Variants in MTUS2 observed in about 807,000 individuals in gnomAD.
MTUS2 encodes microtubule associated scaffold protein 2, also known as microtubule-associated tumor suppressor candidate 2.
Under a neutral mutation model 114.1 loss-of-function variants are expected in MTUS2, and 40 were observed. The ratio of observed to expected loss-of-function variants is 0.35; its 90% confidence interval spans 0.27 to 0.46. The LOEUF is 0.46. Among genes scored for constraint, MTUS2 ranks in the 20% least tolerant of loss-of-function variants. The pLI is 1.00. For missense variants in MTUS2, 1,679 were observed against 1,705.4 expected (o/e 0.98, Z 0.27); for synonymous variants, 688 against 672.0 (o/e 1.02, Z -0.37).
chr13:28,945,339 A>T (rs1882470891), intron 2 of MTUS2, among the ~76,000 whole-genome samples: 1 of 152,100 alleles, frequency 6.6e-6, no homozygotes, highest in African/African-American at 2.4e-5. Context: ...GTTTCAACCC[A>T]GTAGTGTAGA....
chr13:28,860,175 C>T (rs1876879580), intron 2 of MTUS2, among the ~76,000 whole-genome samples: 1 of 152,146 alleles, frequency 6.6e-6, no homozygotes, highest in African/African-American at 2.4e-5. Context: ...TATTGAGGGT[C>T]GTCCTCCCTT....
chr13:28,895,342 T>C (rs1879203161), intron 2 of MTUS2, among the ~76,000 whole-genome samples: 1 of 152,210 alleles, frequency 6.6e-6, no homozygotes, highest in African/African-American at 2.4e-5. Context: ...TTGTTTTTCA[T>C]GCTAATTTGT....
intron 7 of MTUS2, among the ~76,000 whole-genome samples, chr13:29,330,868 T>G (rs1900743468): frequency 6.6e-6 from 1 of 152,236 alleles, no homozygotes. Flanking sequence ...TCAGGTAGCG[T>G]GATGCCTCCA....
chr13:29,232,294 ACACGCGCGCGCG>A (rs71977200), intron 5 of MTUS2, among the ~76,000 whole-genome samples: 1,677 of 24,044 alleles, frequency 0.07, 10 homozygotes, highest in African/African-American at 0.12. Flanking sequence ...ACACACACAC[ACACGCGCGCGCG>A]CACACACACA....
chr13:28,974,822 A>G (rs1419332362), intron 2 of MTUS2, among the ~76,000 whole-genome samples: 2 of 152,218 alleles, frequency 1.3e-5, no homozygotes, highest in Non-Finnish European at 2.9e-5. Context: ...CTGTTCACCA[A>G]AATGCCACAT....
chr13:29,018,055 T>C (rs1455169244), intron 2 of MTUS2, among the ~76,000 whole-genome samples: 3 of 152,074 alleles, frequency 2.0e-5, no homozygotes, highest in Admixed American at 6.6e-5. Flanking sequence ...CCTCTACCTG[T>C]TTGGTGGGGG....
chr13:28,929,523 C>G (rs1881501632), intron 2 of MTUS2, among the ~76,000 whole-genome samples: 1 of 151,984 alleles, frequency 6.6e-6, no homozygotes, highest in African/African-American at 2.4e-5. Context: ...TGAGCTTGGC[C>G]TGAAATATGA....
intron 8 of MTUS2, among the ~76,000 whole-genome samples, chr13:29,368,635 T>C (rs1870941788): frequency 6.9e-6 from 1 of 144,878 alleles, no homozygotes; most frequent in African/African-American, 2.5e-5. Context: ...CCATAAAAAA[T>C]AATTCAAAAA....
At chr13:29,427,979 A>T (rs1013112926) in intron 8 of MTUS2, among the ~76,000 whole-genome samples, 2 of 152,224 alleles carry the variant, frequency 1.3e-5, no homozygotes, top group African/African-American at 4.8e-5. Flanking sequence ...TAACTGTGTG[A>T]AAAACTAGAA....
chr13:28,901,556 T>C (rs1407539206), intron 2 of MTUS2, among the ~76,000 whole-genome samples: 4 of 152,190 alleles, frequency 2.6e-5, no homozygotes. Flanking sequence ...AAGGCTTAGG[T>C]TGAGGTTCTT....
intron 9 of MTUS2, among the ~76,000 whole-genome samples, chr13:29,450,823 C>A (rs1301409446): frequency 6.6e-6 from 1 of 152,044 alleles, no homozygotes; most frequent in Non-Finnish European, 1.5e-5. Flanking sequence ...GACTTCAGAG[C>A]CAGGAATATT....
intron 6 of MTUS2, among the ~76,000 whole-genome samples, chr13:29,291,317 G>A (rs1030463425): frequency 1.3e-5 from 2 of 152,218 alleles, no homozygotes; most frequent in Admixed American, 6.5e-5. Context: ...AGTGAGACAC[G>A]CCATGGACAG....
rs148118759 is a variant in MTUS2, at chr13:28,913,563, C to A, written c.-243+73713C>A. Among the ~76,000 whole-genome samples the A allele has an allele frequency of 1.0e-3, 153 of 151,854 alleles. 3 individuals are homozygous for A. In the East Asian group the frequency reaches 0.019, roughly 19 times the overall value. On this transcript the variant is annotated intron_variant, in intron 2 of 15. Coordinates refer to ENST00000612955, the MANE Select transcript of MTUS2 (RefSeq NM_001033602.4). ...CAGCGATATTCATCAGGGATATTGG[C>A]CTGAAGTTTTCTTTTTCTTTTGTAT...
At position 28,822,159 on chromosome 13, in the gene MTUS2, C is replaced by T. The variant is rs368643279; in HGVS notation, c.-316+1548C>T. On this transcript the variant is annotated intron_variant, in intron 1 of 15. Coordinates refer to ENST00000612955, the MANE Select transcript of MTUS2 (RefSeq NM_001033602.4). ...TATTGTTTTTAAGGTCAGAAAGAAACCTGGCCTCTGAGTCAGTGTTTTCTG... is the reference window on the plus strand; with the variant it reads ...TATTGTTTTTAAGGTCAGAAAGAAATCTGGCCTCTGAGTCAGTGTTTTCTG... 5.3e-5 allele frequency among the ~76,000 whole-genome samples: 8 copies of T among 152,272 alleles called. 1 individual carries two copies. The highest frequency in any genetic ancestry group is 1.7e-4 in the African/African-American group (7 of 41,558).
intron 9 of MTUS2, among the ~76,000 whole-genome samples, chr13:29,477,440 C>T (rs1880788263): frequency 6.6e-6 from 1 of 152,136 alleles, no homozygotes; most frequent in African/African-American, 2.4e-5. Context: ...CTCAAGTAAG[C>T]TGGGGTCACA....
At chr13:29,226,163 A>G (rs1896100401) in intron 5 of MTUS2, among the ~76,000 whole-genome samples, 1 of 152,178 alleles carries the variant, frequency 6.6e-6, no homozygotes, top group African/African-American at 2.4e-5. Flanking sequence ...AGATAACATT[A>G]CATATTCTTC....
intron 8 of MTUS2, among the ~76,000 whole-genome samples, chr13:29,359,705 A>G (rs528500022): frequency 1.3e-5 from 2 of 152,318 alleles, no homozygotes; most frequent in South Asian, 4.2e-4. Flanking sequence ...AATAATCTTC[A>G]TTCCAAAATA....
At chr13:28,911,941 A>G (rs1320992614) in intron 2 of MTUS2, among the ~76,000 whole-genome samples, 1 of 138,046 alleles carries the variant, frequency 7.2e-6, no homozygotes, top group Non-Finnish European at 1.5e-5. Flanking sequence ...ATTGTCTTCT[A>G]TTCTGTAGGT....
intron 2 of MTUS2, among the ~76,000 whole-genome samples, chr13:29,023,839 G>A (rs1008962233): frequency 2.0e-5 from 3 of 152,144 alleles, no homozygotes; most frequent in African/African-American, 7.2e-5. Flanking sequence ...GGTGATGTGT[G>A]GCCCTGAGAA....
Sources: allele counts gnomAD v4.1 joint callset (sites outside exome capture counted in the v4.1 genomes callset), GRCh38; gene constraint gnomAD v4.1.1; transcripts MANE v1.5; gene names NCBI Gene and HGNC (gene_info 2026-07-23, HGNC 2026-07-21).